The following ABCC1 variants were observed in gnomAD, a reference collection of about 807,000 sequenced individuals.
The protein encoded by ABCC1 is ATP binding cassette subfamily C member 1 (ABCC1 blood group), also known as multidrug resistance-associated protein 1.
ABCC1 carries 83 observed loss-of-function variants against 172.9 expected under a neutral mutation model. That is an observed-to-expected ratio of 0.48 (90% CI 0.40 to 0.58). The LOEUF is 0.58. ABCC1 is among the 20% of genes least tolerant of loss of function. ABCC1 has a pLI of 0.00. For missense variants in ABCC1, 1,817 were observed against 2,002.7 expected (o/e 0.91, Z 1.77); for synonymous variants, 937 against 825.2 (o/e 1.14, Z -2.32).
intron 18 of ABCC1, 28 bp downstream of exon 18, chr16:16,087,019 G>A (rs2051035956): frequency 2.5e-6 from 4 of 1,613,230 alleles, no homozygotes; most frequent in East Asian, 4.5e-5. Flanking sequence ...GGGGCTTGGT[G>A]TTGGGCCGTC....
chr16:15,949,426 AGGATCTGG>A (rs2045797177), upstream of ABCC1, among the ~76,000 whole-genome samples: 1 of 147,110 alleles, frequency 6.8e-6, no homozygotes, highest in African/African-American at 2.5e-5. Context: ...TAAGCCTTGG[AGGATCTGG>A]GGTGGGGGTG....
At chr16:15,994,143 C>T (rs2046970205) in intron 1 of ABCC1, among the ~76,000 whole-genome samples, 1 of 152,024 alleles carries the variant, frequency 6.6e-6, no homozygotes, top group Non-Finnish European at 1.5e-5. Flanking sequence ...TTGCTGGAGC[C>T]CAGGAGATCG....
At chr16:16,132,688 AT>A (rs2045750736) in intron 27 of ABCC1, among the ~76,000 whole-genome samples, 1 of 149,772 alleles carries the variant, frequency 6.7e-6, no homozygotes, top group South Asian at 2.1e-4. Context: ...TGCCTAGCTA[AT>A]TTTTGTGTTA....
At chr16:16,009,603 AC>A (rs1160801913) in intron 2 of ABCC1, among the ~76,000 whole-genome samples, 172 bp from the exon 3 acceptor site, 2 of 152,164 alleles carry the variant, frequency 1.3e-5, no homozygotes, top group African/African-American at 4.8e-5. Context: ...ATGCCAGCTC[AC>A]CATACCGAGG....
At chr16:15,995,016 A>T (rs1319399136) in intron 1 of ABCC1, among the ~76,000 whole-genome samples, 1 of 150,514 alleles carries the variant, frequency 6.6e-6, no homozygotes, top group Non-Finnish European at 1.5e-5. Flanking sequence ...CTGTAATCCC[A>T]GGTACTTGCG....
Position 15,982,645 on chromosome 16 carries a change from C to CA in ABCC1, c.49-25156dup, listed in dbSNP as rs35126918. The stretch of plus-strand genomic sequence containing the variant: ...AGCCAAGCCATATCACTGTCTCTAC[C>CA]AAAAAAAAAAAAAAAGCCAGGTGTG... On this transcript the variant is annotated intron_variant, in intron 1 of 30. Transcript: ENST00000399410. Among the ~76,000 whole-genome samples the CA allele has an allele frequency of 9.0e-3, 1,166 of 130,028 alleles. 7 individuals carry two copies. The highest frequency in any genetic ancestry group is 0.013 in the African/African-American group (432 of 34,556). 85.3% of individuals were successfully genotyped at this position (130,028 alleles called of 152,430 possible).
At chr16:16,053,258 T>C (rs45483693) in intron 11 of ABCC1, among the ~76,000 whole-genome samples, 160 of 152,236 alleles carry the variant, frequency 1.1e-3, no homozygotes, top group Non-Finnish European at 1.9e-3. Flanking sequence ...CCTTATAGGA[T>C]ACATGCTGTT....
chr16:16,111,779 C>T (rs1039196105), intron 22 of ABCC1, among the ~76,000 whole-genome samples, 197 bp downstream of exon 22: 1 of 152,096 alleles, frequency 6.6e-6, no homozygotes, highest in Non-Finnish European at 1.5e-5. Flanking sequence ...TCATATGGGC[C>T]TTGGTGGTAG....
Position 16,141,328 on chromosome 16 carries a change from A to G in ABCC1, c.*47A>G. On this transcript the variant is annotated 3_prime_UTR_variant, in exon 31 of 31. Coordinates refer to ENST00000399410, the MANE Select transcript of ABCC1 (RefSeq NM_004996.4). ...GTCAGAACTGCAGGGCCTATATGCCAGCGCCCAGGGAGGAGTCAGTACCCC... is the reference window on the plus strand; with the variant it reads ...GTCAGAACTGCAGGGCCTATATGCCGGCGCCCAGGGAGGAGTCAGTACCCC... 1 of 1,575,372 alleles carries G rather than the reference A, an allele frequency of 6.3e-7. No individual in the cohort carries two copies. Among genetic ancestry groups the G allele is most frequent in the Non-Finnish European group, 8.7e-7 (1 of 1,147,088 alleles).
chr16:15,976,686 T>C (rs1459228642), intron 1 of ABCC1, among the ~76,000 whole-genome samples: 1 of 152,174 alleles, frequency 6.6e-6, no homozygotes, highest in Non-Finnish European at 1.5e-5. Context: ...ATGAGCTGTT[T>C]ACTCCAACAG....
At chr16:16,132,532 T>G (rs2045742099) in intron 27 of ABCC1, among the ~76,000 whole-genome samples, 1 of 133,062 alleles carries the variant, frequency 7.5e-6, no homozygotes, top group African/African-American at 2.8e-5. Flanking sequence ...TTTTTTTTTT[T>G]TTTTTTTGAG....
chr16:16,016,126 C>T (rs2047983910), intron 4 of ABCC1, among the ~76,000 whole-genome samples: 1 of 150,416 alleles, frequency 6.6e-6, no homozygotes, highest in Admixed American at 6.6e-5. Flanking sequence ...GTTTCTGCCA[C>T]CTGCTCTCAG....
At chr16:15,973,248 GA>G (rs927717729) in intron 1 of ABCC1, among the ~76,000 whole-genome samples, 5 of 151,978 alleles carry the variant, frequency 3.3e-5, no homozygotes, top group African/African-American at 1.2e-4. Flanking sequence ...GCACTACTAA[GA>G]AAAAAAGATA....
chr16:16,113,021 CCT>C (rs2152089848), intron 22 of ABCC1, among the ~76,000 whole-genome samples: 1 of 152,294 alleles, frequency 6.6e-6, no homozygotes, highest in African/African-American at 2.4e-5. Flanking sequence ...GAGATGGAAG[CCT>C]CTCTGTTCCT....
chr16:16,064,898 A>G (rs902055074), intron 12 of ABCC1, among the ~76,000 whole-genome samples: 1 of 152,272 alleles, frequency 6.6e-6, no homozygotes, highest in Non-Finnish European at 1.5e-5. Flanking sequence ...TCCTAGTGCT[A>G]GAGAAAGCCA....
At chr16:16,107,695 A>G (rs1340285026) in intron 21 of ABCC1, among the ~76,000 whole-genome samples, 1 of 152,030 alleles carries the variant, frequency 6.6e-6, no homozygotes, top group African/African-American at 2.4e-5. Flanking sequence ...TCTTTGTAAC[A>G]AGGAGACCGG....
At position 16,035,842 on chromosome 16, in the gene ABCC1, G is replaced by A. The variant is rs538087459; in HGVS notation, c.678-630G>A. The stretch of plus-strand genomic sequence containing the variant: ...AAATTTTAAAAAGTTGGCGGGGCAC[G>A]GTGGCTTATGCCTATAATTCCAAGA... On this transcript the variant is annotated intron_variant, in intron 6 of 30. Coordinates refer to ENST00000399410, the MANE Select transcript of ABCC1 (RefSeq NM_004996.4). Among the ~76,000 whole-genome samples, 19 of 151,864 alleles carry A rather than the reference G, an allele frequency of 1.3e-4. No homozygotes were observed. The South Asian group carries it at 2.7e-3, about 22-fold the overall frequency.
intron 18 of ABCC1, among the ~76,000 whole-genome samples, chr16:16,089,852 G>C (rs897665794): frequency 6.7e-6 from 1 of 148,912 alleles, no homozygotes; most frequent in Admixed American, 6.8e-5. Context: ...CTGCACTCCA[G>C]CCTGGACAAC....
At chr16:15,963,799 G>A (rs2046189099) in intron 1 of ABCC1, among the ~76,000 whole-genome samples, 2 of 152,218 alleles carry the variant, frequency 1.3e-5, no homozygotes, top group African/African-American at 2.4e-5. Flanking sequence ...AGGGGCTGCT[G>A]TGAAGGTTTG....
Sources: gnomAD v4.1 joint callset for allele counts (sites outside exome capture counted in the v4.1 genomes callset) on GRCh38, gnomAD v4.1.1 for gene constraint, MANE v1.5 for transcripts, NCBI Gene and HGNC (gene_info 2026-07-23, HGNC 2026-07-21) for gene names.